The following RANBP9 variants were observed in gnomAD, a reference collection of about 807,000 sequenced individuals.
RANBP9 encodes ran-binding protein 9.
RANBP9 carries 15 observed loss-of-function variants against 84.3 expected under a neutral mutation model. The observed-to-expected ratio is 0.18, with a 90% confidence interval of 0.12 to 0.27. RANBP9 has a LOEUF of 0.27. Ranked by LOEUF, RANBP9 falls within the 10% of genes least tolerant of loss-of-function variation. The pLI, the probability that RANBP9 is intolerant of heterozygous loss-of-function variation, is 1.00. For missense variants in RANBP9, 809 were observed against 912.8 expected (o/e 0.89, Z 1.46); for synonymous variants, 392 against 349.6 (o/e 1.12, Z -1.35).
At chr6:13,646,348 C>G (rs1765174165) in intron 5 of RANBP9, among the ~76,000 whole-genome samples, 1 of 152,118 alleles carries the variant, frequency 6.6e-6, no homozygotes, top group Non-Finnish European at 1.5e-5. Context: ...TGGGGAGGTT[C>G]TGGTGAGCCG....
chr6:13,698,400 T>C (rs1045122254), intron 1 of RANBP9, among the ~76,000 whole-genome samples: 3 of 152,252 alleles, frequency 2.0e-5, no homozygotes, highest in Admixed American at 6.5e-5. Context: ...CTAGTCACTT[T>C]TTAATAAAAT....
At chr6:13,710,070 C>G (rs895950527) in intron 1 of RANBP9, among the ~76,000 whole-genome samples, 1 of 152,066 alleles carries the variant, frequency 6.6e-6, no homozygotes, top group Non-Finnish European at 1.5e-5. Context: ...CATAGCAATT[C>G]ATAATTTTAT....
At chr6:13,655,389 G>A (rs930537819) in intron 4 of RANBP9, among the ~76,000 whole-genome samples, 2 of 152,158 alleles carry the variant, frequency 1.3e-5, no homozygotes, top group Non-Finnish European at 2.9e-5. Context: ...AGAATTGCTT[G>A]AAACTAGGAG....
intron 2 of RANBP9, among the ~76,000 whole-genome samples, chr6:13,685,754 CCT>C (rs1260896361): frequency 2.0e-5 from 3 of 151,824 alleles, no homozygotes; most frequent in Admixed American, 6.6e-5. Context: ...ATGGTGAAAC[CCT>C]GTCTCTACTG....
chr6:13,686,118 C>T lies in RANBP9; in HGVS notation c.683+10667G>A, dbSNP rs866270847. 2.4e-4 allele frequency among the ~76,000 whole-genome samples: 9 copies of T among 37,006 alleles called. 1 individual carries two copies. Among genetic ancestry groups the T allele is most frequent in the Admixed American group, 3.4e-4 (1 of 2,922 alleles). 24.3% of individuals were successfully genotyped at this position (37,006 alleles called of 152,430 possible). A position where few individuals can be genotyped will look rare whatever the true frequency, so the allele number is the denominator to read the frequency against. On this transcript the variant is annotated intron_variant, in intron 2 of 13. Transcript: ENST00000011619. ...AATTTCTTCCCCCCCCCCCCCCCGC[C>T]CCCCGAAATAGAGTCTCACTCTGTA...
chr6:13,658,271 T>C (rs888295879), intron 3 of RANBP9, among the ~76,000 whole-genome samples: 2 of 129,302 alleles, frequency 1.5e-5, no homozygotes, highest in Admixed American at 8.9e-5. Context: ...ATGATATATA[T>C]ACTATATGTT....
chr6:13,711,650 G>A lies in RANBP9; in HGVS notation c.-145C>T. On this transcript the variant is annotated 5_prime_UTR_variant, in exon 1 of 14. Coordinates refer to ENST00000011619, the MANE Select transcript of RANBP9 (RefSeq NM_005493.3). ...AGGCGGCGGGCCGCGCGCCCAGGGA[G>A]ACCGCGGCGGTTGAGGAGCTCGGAG... The A allele has an allele frequency of 1.4e-6, 1 of 692,536 alleles. No homozygotes were observed. 42.9% of individuals were successfully genotyped at this position (692,536 alleles called of 1,614,324 possible).
At chr6:13,675,787 T>C (rs1405201326) in intron 2 of RANBP9, among the ~76,000 whole-genome samples, 3 of 151,614 alleles carry the variant, frequency 2.0e-5, no homozygotes, top group Non-Finnish European at 4.4e-5. Context: ...AAGAAACTAT[T>C]ATTATCAGTA....
intron 2 of RANBP9, among the ~76,000 whole-genome samples, chr6:13,684,678 G>C (rs140593158): frequency 2.4e-4 from 36 of 152,338 alleles, no homozygotes; most frequent in Admixed American, 8.5e-4. Context: ...GGATGACACA[G>C]ATAAAGCTGT....
rs528286862 is a variant in RANBP9, at chr6:13,673,148, A to AAAAAC, written c.684-14321_684-14317dup. On this transcript the variant is annotated intron_variant, in intron 2 of 13. Coordinates refer to ENST00000011619, the MANE Select transcript of RANBP9 (RefSeq NM_005493.3). ...GAGTAGGTCTTGAAAGAAATCAGGA[A>AAAAAC]AAAACAAAACAAAACACTCACTCTA... is the stretch of plus-strand genomic sequence containing the variant. Among the ~76,000 whole-genome samples, 570 of 152,268 alleles carry AAAAAC rather than the reference A, an allele frequency of 3.7e-3. 3 individuals carry two copies. The highest frequency in any genetic ancestry group is 0.013 in the African/African-American group (555 of 41,556).
intron 13 of RANBP9, among the ~76,000 whole-genome samples, chr6:13,623,016 A>T (rs1159063822): frequency 1.3e-5 from 2 of 151,780 alleles, no homozygotes; most frequent in African/African-American, 4.9e-5. Context: ...GGTGACAGTG[A>T]GAGAACATAC....
chr6:13,639,753 T>C lies in RANBP9; in HGVS notation c.1335A>G (p.Lys445=). Residue 445 remains lysine, a splice_region_variant and synonymous_variant, in exon 9 of 14, where the codon AAA becomes AAG. Transcript: ENST00000011619. Reference sequence around the variant, plus strand: ...TCACCATTTCTATAAACTGACGCACTCTAAAGGAGAAAAGAAAAATTTACT... The same window carrying C: ...TCACCATTTCTATAAACTGACGCACCCTAAAGGAGAAAAGAAAAATTTACT... ...ERNPNLLFTL[K]VRQFIEMVNG... 6.2e-7 allele frequency: 1 copy of C among 1,600,230 alleles called. No homozygotes were observed. Among genetic ancestry groups the C allele is most frequent in the Non-Finnish European group, 8.5e-7 (1 of 1,172,358 alleles).
At chr6:13,701,818 G>A (rs1415119969) in intron 1 of RANBP9, among the ~76,000 whole-genome samples, 1 of 151,592 alleles carries the variant, frequency 6.6e-6, no homozygotes, top group Non-Finnish European at 1.5e-5. Context: ...ATTAGCTATG[G>A]TCATATTCAA....
chr6:13,698,245 T>A (rs934046040), intron 1 of RANBP9, among the ~76,000 whole-genome samples: 46 of 152,084 alleles, frequency 3.0e-4, no homozygotes, highest in African/African-American at 1.1e-3. Flanking sequence ...CTGGTGACCA[T>A]AAGGAGTCAA....
At chr6:13,628,661 C>T (rs538685012) in intron 12 of RANBP9, among the ~76,000 whole-genome samples, 12 of 152,140 alleles carry the variant, frequency 7.9e-5, no homozygotes, top group Non-Finnish European at 1.5e-4. Flanking sequence ...AACTCCCAGT[C>T]GTAAACATCT....
At chr6:13,706,092 C>G (rs576466033) in intron 1 of RANBP9, among the ~76,000 whole-genome samples, 1 of 152,196 alleles carries the variant, frequency 6.6e-6, no homozygotes, top group South Asian at 2.1e-4. Context: ...TCCTGTAATC[C>G]CAGCACTTTG....
intron 12 of RANBP9, among the ~76,000 whole-genome samples, chr6:13,630,479 A>G (rs1441280702): frequency 6.6e-6 from 1 of 152,034 alleles, no homozygotes; most frequent in African/African-American, 2.4e-5. Flanking sequence ...AAGAAAACCA[A>G]GTCAGATGAC....
intron 2 of RANBP9, among the ~76,000 whole-genome samples, chr6:13,681,262 G>A (rs941805955): frequency 4.6e-5 from 7 of 152,118 alleles, no homozygotes; most frequent in African/African-American, 1.7e-4. Context: ...GGAGTTGGGG[G>A]TGGGAGGAGG....
At chr6:13,702,603 ACTT>A (rs1758002593) in intron 1 of RANBP9, among the ~76,000 whole-genome samples, 2 of 152,162 alleles carry the variant, frequency 1.3e-5, no homozygotes, top group Non-Finnish European at 2.9e-5. Context: ...CTAACACAAT[ACTT>A]TCCAAAGGAA....
Sources: gnomAD v4.1 joint callset for allele counts (sites outside exome capture counted in the v4.1 genomes callset) on GRCh38, gnomAD v4.1.1 for gene constraint, MANE v1.5 for transcripts, NCBI Gene and HGNC (gene_info 2026-07-23, HGNC 2026-07-21) for gene names.